The following PRORP variants were observed in gnomAD, a reference collection of about 807,000 sequenced individuals.
The protein encoded by PRORP is mitochondrial ribonuclease P catalytic subunit.
In PRORP, 51 loss-of-function variants were observed where a neutral mutation model predicts 59.4. The observed-to-expected ratio is 0.86, with a 90% confidence interval of 0.69 to 1.08. The LOEUF (loss-of-function observed/expected upper bound fraction) is 1.08. Among genes scored for constraint, PRORP ranks in the 50% least tolerant of loss-of-function variants. PRORP has a pLI of 0.00. For missense variants in PRORP, 646 were observed against 690.3 expected (o/e 0.94, Z 0.72); for synonymous variants, 231 against 245.6 (o/e 0.94, Z 0.55).
chr14:35,163,281 G>T (rs10149918), intron 4 of PRORP, among the ~76,000 whole-genome samples: 84,481 of 151,466 alleles, frequency 0.56, 23,736 homozygotes, highest in East Asian at 0.69. Context: ...GAAAAAAAAT[G>T]TATACATAAA....
intron 5 of PRORP, among the ~76,000 whole-genome samples, chr14:35,266,502 C>CG (rs1447089632): frequency 6.6e-6 from 1 of 151,818 alleles, no homozygotes; most frequent in Non-Finnish European, 1.5e-5. Context: ...ATAAAGAAAC[C>CG]CCCCCCTGCA....
intron 4 of PRORP, among the ~76,000 whole-genome samples, chr14:35,170,161 C>T (rs1369953922): frequency 6.6e-6 from 1 of 152,044 alleles, no homozygotes; most frequent in African/African-American, 2.4e-5. Context: ...ATATTTTTCC[C>T]TACTTTTCAC....
chr14:35,238,045 T>TC (rs1214416998), intron 5 of PRORP, among the ~76,000 whole-genome samples: 14 of 151,820 alleles, frequency 9.2e-5, no homozygotes, highest in Non-Finnish European at 2.1e-4. Flanking sequence ...AGTTAACACA[T>TC]CTTTTTTTTT....
chr14:35,164,553 C>G (rs1445027095), intron 4 of PRORP, among the ~76,000 whole-genome samples: 1 of 152,170 alleles, frequency 6.6e-6, no homozygotes, highest in Admixed American at 6.6e-5. Flanking sequence ...GCAGATACTG[C>G]AAGTTCTTAC....
intron 4 of PRORP, chr14:35,158,248 C>T (rs2047967882): frequency 4.0e-6 from 1 of 248,082 alleles, no homozygotes; most frequent in Non-Finnish European, 8.2e-6. Flanking sequence ...TTATAAGTCA[C>T]AACTGCCAGT....
chr14:35,266,503 C>G (rs1243474756), intron 5 of PRORP, among the ~76,000 whole-genome samples: 6 of 152,116 alleles, frequency 3.9e-5, no homozygotes, highest in East Asian at 1.9e-4. Context: ...TAAAGAAACC[C>G]CCCCCTGCAA....
Position 35,123,315 on chromosome 14 carries a change from C to T in PRORP, c.70C>T (p.Pro24Ser). The change falls in exon 2 of 8, where the codon CCA becomes TCA. Residue 24 changes from proline to serine, a missense_variant. Coordinates refer to ENST00000534898, the MANE Select transcript of PRORP (RefSeq NM_014672.4). ...LWKSPYLGLG[P>S]GHSYVSLFLA... is the part of the protein sequence containing the mutation. ...GAAGAGCCCATACCTTGGGCTAGGCCCAGGGCACTCTTATGTCTCGCTGTT... is the reference window on the plus strand; with the variant it reads ...GAAGAGCCCATACCTTGGGCTAGGCTCAGGGCACTCTTATGTCTCGCTGTT... 6.2e-7 allele frequency: 1 copy of T among 1,613,908 alleles called. No homozygotes were observed. The highest frequency in any genetic ancestry group is 8.5e-7 in the Non-Finnish European group (1 of 1,180,028).
chr14:35,207,065 A>G (rs1317002758), intron 5 of PRORP, among the ~76,000 whole-genome samples: 1 of 151,444 alleles, frequency 6.6e-6, no homozygotes, highest in Non-Finnish European at 1.5e-5. Context: ...CTCTTTTTAA[A>G]TTTTTCTTCC....
intron 4 of PRORP, among the ~76,000 whole-genome samples, chr14:35,154,830 C>G (rs570057787): frequency 2.0e-5 from 3 of 152,062 alleles, no homozygotes; most frequent in Non-Finnish European, 2.9e-5. Context: ...AATCTGAACA[C>G]CAGTTATTGG....
rs887691613 is a variant in PRORP at position 35,274,883 on chromosome 14, A to T, written c.*1317A>T. ...AAAGTGATTATATTTTAATAGTTAC[A>T]TTTCTGTTTTTTCCACTCACTAGCC... On this transcript the variant is annotated 3_prime_UTR_variant, in exon 8 of 8. Transcript: ENST00000534898. 8 of 152,174 alleles carry T rather than the reference A, an allele frequency of 5.3e-5. No homozygotes were observed. Among genetic ancestry groups the T allele is most frequent in the African/African-American group, 1.7e-4 (7 of 41,522 alleles). The allele number at this position is 152,174 out of a possible 1,614,324, so 9.4% of individuals were successfully genotyped here.
At chr14:35,226,725 A>T (rs2049943644) in intron 5 of PRORP, among the ~76,000 whole-genome samples, 2 of 143,188 alleles carry the variant, frequency 1.4e-5, no homozygotes, top group Admixed American at 1.4e-4. Context: ...AACAAGCAAA[A>T]ATTATTATTA....
At chr14:35,197,398 T>C (rs2049035533) in intron 5 of PRORP, among the ~76,000 whole-genome samples, 1 of 152,210 alleles carries the variant, frequency 6.6e-6, no homozygotes. Flanking sequence ...TAAATTTACT[T>C]AAACTGTTTA....
intron 5 of PRORP, among the ~76,000 whole-genome samples, chr14:35,242,248 G>A (rs1355694884): frequency 1.3e-5 from 2 of 152,178 alleles, no homozygotes; most frequent in Non-Finnish European, 2.9e-5. Context: ...ATAAATATTT[G>A]TGTTGAATTT....
intron 5 of PRORP, among the ~76,000 whole-genome samples, chr14:35,207,537 C>T (rs915538000): frequency 5.9e-5 from 9 of 152,122 alleles, no homozygotes; most frequent in Non-Finnish European, 1.2e-4. Flanking sequence ...GTTGCTACAG[C>T]CTTCCTGTTT....
chr14:35,238,290 T>C (rs751225241), intron 5 of PRORP, among the ~76,000 whole-genome samples: 3 of 152,214 alleles, frequency 2.0e-5, no homozygotes, highest in Non-Finnish European at 4.4e-5. Context: ...CCCTGTGGTA[T>C]GCATTTGTAA....
intron 5 of PRORP, among the ~76,000 whole-genome samples, chr14:35,219,929 T>C (rs1454396031): frequency 6.6e-6 from 1 of 152,156 alleles, no homozygotes; most frequent in East Asian, 1.9e-4. Flanking sequence ...ATTTAGAAGG[T>C]CTTAAAGTCT....
intron 5 of PRORP, among the ~76,000 whole-genome samples, chr14:35,208,536 G>A (rs1298930389): frequency 6.6e-6 from 1 of 152,132 alleles, no homozygotes; most frequent in Non-Finnish European, 1.5e-5. Flanking sequence ...TTTTATTTAA[G>A]CCAGCACATC....
At position 35,130,713 on chromosome 14, in the gene PRORP, A is replaced by G. The variant is rs140770855; in HGVS notation, c.1167+3102A>G. Reference sequence around the variant, plus strand: ...TGGCCAGGCTGGTTTCGAACTCCCAACCTTACTTTATCCAGCTGCGTCGGC... The same window carrying G: ...TGGCCAGGCTGGTTTCGAACTCCCAGCCTTACTTTATCCAGCTGCGTCGGC... On this transcript the variant is annotated intron_variant, in intron 4 of 7. Transcript: ENST00000534898. Among the ~76,000 whole-genome samples, 417 of 150,476 alleles carry G rather than the reference A, an allele frequency of 2.8e-3. 2 individuals carry two copies. Among genetic ancestry groups the G allele is most frequent in the African/African-American group, 1.0e-2 (409 of 40,922 alleles).
At chr14:35,219,805 A>G (rs1248376397) in intron 5 of PRORP, among the ~76,000 whole-genome samples, 1 of 152,244 alleles carries the variant, frequency 6.6e-6, no homozygotes, top group Non-Finnish European at 1.5e-5. Flanking sequence ...GAAACACTGC[A>G]GAAAAACTTT....
Sources: gnomAD v4.1 joint callset for allele counts (sites outside exome capture counted in the v4.1 genomes callset) on GRCh38, gnomAD v4.1.1 for gene constraint, MANE v1.5 for transcripts, NCBI Gene and HGNC (gene_info 2026-07-23, HGNC 2026-07-21) for gene names.